LARGE1: variants seen among roughly 807,000 people sequenced by gnomAD.
LARGE1 encodes the protein LARGE xylosyl- and glucuronyltransferase 1, also known as xylosyl- and glucuronyltransferase LARGE1.
A neutral mutation model predicts 87.6 loss-of-function variants in LARGE1; 43 were observed. The observed-to-expected ratio is 0.49, with a 90% confidence interval of 0.38 to 0.63. The LOEUF (loss-of-function observed/expected upper bound fraction) is 0.63. LARGE1 is among the 30% of genes least tolerant of loss of function. LARGE1 has a pLI of 0.00. For missense variants in LARGE1, 802 were observed against 1,000.2 expected (o/e 0.80, Z 2.67); for synonymous variants, 434 against 394.6 (o/e 1.10, Z -1.18).
chr22:33,256,478 T>C (rs1927274073), intron 11 of LARGE1, among the ~76,000 whole-genome samples: 1 of 152,206 alleles, frequency 6.6e-6, no homozygotes, highest in South Asian at 2.1e-4. Context: ...TTCTCATCTG[T>C]AAAATGGGGA....
rs1322974785 is a variant in LARGE1, at chr22:33,364,066, T to A, written c.1131+17853A>T. Reference sequence around the variant, plus strand: ...AGTGCATCTTTGCTATATATTTTTTTTTTTTTGAGACGGAGTCTCGCTCTG... The same window carrying A: ...AGTGCATCTTTGCTATATATTTTTTATTTTTTGAGACGGAGTCTCGCTCTG... On this transcript the variant is annotated intron_variant, in intron 9 of 14. Transcript: ENST00000397394. Among the ~76,000 whole-genome samples the A allele has an allele frequency of 3.2e-4, 48 of 149,886 alleles. 4 individuals are homozygous for A. The highest frequency in any genetic ancestry group is 8.7e-4 in the South Asian group (4 of 4,586).
chr22:33,172,940 G>T (rs1922656792), intron 11 of LARGE1, among the ~76,000 whole-genome samples: 1 of 152,068 alleles, frequency 6.6e-6, no homozygotes, highest in Non-Finnish European at 1.5e-5. Context: ...ACACATCAGG[G>T]TATTATCCAG....
chr22:33,336,787 C>T lies in LARGE1; in HGVS notation c.1287+859G>A, dbSNP rs111851578. On this transcript the variant is annotated intron_variant, in intron 10 of 14. Coordinates refer to ENST00000397394, the MANE Select transcript of LARGE1 (RefSeq NM_133642.5). ...CTCTAAAAAGTCGGTTCTGGCCGGG[C>T]GCGGTGGCTCACACCTGTAATTCCA... Among the ~76,000 whole-genome samples the T allele has an allele frequency of 3.3e-5, 5 of 152,156 alleles. No homozygotes were observed. In the South Asian group the frequency reaches 8.3e-4, roughly 25 times the overall value.
chr22:33,531,457 C>T (rs546419411), intron 6 of LARGE1, among the ~76,000 whole-genome samples: 10 of 152,286 alleles, frequency 6.6e-5, no homozygotes, highest in Non-Finnish European at 1.0e-4. Context: ...CGTGCCTGGC[C>T]AGCATTCTTT....
chr22:33,610,721 C>T (rs1000176539), intron 4 of LARGE1, among the ~76,000 whole-genome samples: 1 of 152,114 alleles, frequency 6.6e-6, no homozygotes, highest in African/African-American at 2.4e-5. Flanking sequence ...ACAGCCAAGA[C>T]AATGGGAAAA....
intron 6 of LARGE1, among the ~76,000 whole-genome samples, chr22:33,512,881 CTT>C (rs1025567147): frequency 3.9e-5 from 6 of 152,228 alleles, no homozygotes; most frequent in African/African-American, 7.2e-5. Context: ...CTAATTTTCT[CTT>C]GTCTTCAACA....
At chr22:33,918,081 G>A (rs2065839292) in intron 1 of LARGE1, among the ~76,000 whole-genome samples, 1 of 152,178 alleles carries the variant, frequency 6.6e-6, no homozygotes, top group East Asian at 1.9e-4. Flanking sequence ...CAGGAACCCA[G>A]AAACAAAGGA....
chr22:33,680,298 C>T (rs1024216347), intron 2 of LARGE1, among the ~76,000 whole-genome samples: 2 of 152,152 alleles, frequency 1.3e-5, no homozygotes, highest in Admixed American at 6.5e-5. Context: ...ATGATCTACG[C>T]CTGAACTTTT....
intron 11 of LARGE1, among the ~76,000 whole-genome samples, chr22:33,208,373 T>C (rs980281204): frequency 2.6e-5 from 4 of 152,188 alleles, no homozygotes; most frequent in African/African-American, 9.6e-5. Flanking sequence ...ATCCAAGTCG[T>C]CTTCAAAGCT....
chr22:33,545,206 G>T (rs991848598), intron 6 of LARGE1, among the ~76,000 whole-genome samples: 4 of 150,948 alleles, frequency 2.6e-5, no homozygotes, highest in Non-Finnish European at 4.4e-5. Flanking sequence ...AGTAGGTCAT[G>T]TACAAATCTT....
At chr22:33,898,615 G>T (rs549512899) in intron 1 of LARGE1, among the ~76,000 whole-genome samples, 5 of 152,176 alleles carry the variant, frequency 3.3e-5, no homozygotes, top group African/African-American at 1.2e-4. Context: ...TTAGCTGGGC[G>T]TGGTGGCACA....
At chr22:33,725,612 G>T (rs1287183378) in intron 2 of LARGE1, 1 of 152,160 alleles carries the variant, frequency 6.6e-6, no homozygotes, top group African/African-American at 2.4e-5. Flanking sequence ...CTAAATTTAG[G>T]TTGAAACAAA....
chr22:33,319,313 G>A (rs1004665102), intron 10 of LARGE1, among the ~76,000 whole-genome samples: 5 of 152,206 alleles, frequency 3.3e-5, no homozygotes, highest in African/African-American at 1.2e-4. Context: ...CTAGCTTGCT[G>A]GAAGATGAGA....
chr22:33,858,076 C>T (rs1489382565), intron 1 of LARGE1, among the ~76,000 whole-genome samples: 2 of 152,304 alleles, frequency 1.3e-5, no homozygotes, highest in Admixed American at 1.3e-4. Context: ...TGTTATAGTT[C>T]TGTTAGAAGC....
the LARGE1 span, among the ~76,000 whole-genome samples, chr22:33,131,482 G>A: frequency 6.6e-6 from 1 of 152,182 alleles, no homozygotes; most frequent in Non-Finnish European, 1.5e-5. Context: ...ACCCGAGACT[G>A]AGTCATTTAT....
chr22:33,391,495 T>C (rs1287064742), intron 7 of LARGE1, among the ~76,000 whole-genome samples: 5 of 152,026 alleles, frequency 3.3e-5, no homozygotes, highest in Admixed American at 1.3e-4. Flanking sequence ...AAAGGTTATA[T>C]AAGTGAGAGA....
At chr22:33,707,318 G>C (rs982236117) in intron 2 of LARGE1, among the ~76,000 whole-genome samples, 2 of 152,236 alleles carry the variant, frequency 1.3e-5, no homozygotes, top group African/African-American at 4.8e-5. Flanking sequence ...AATACAGGGA[G>C]TATCCAGGTG....
intron 5 of LARGE1, among the ~76,000 whole-genome samples, chr22:33,571,605 T>A (rs756977345): frequency 2.0e-5 from 3 of 152,204 alleles, no homozygotes; most frequent in African/African-American, 7.2e-5. Context: ...CCAGGAGTCA[T>A]TGAGATACCC....
chr22:33,437,718 G>A lies in LARGE1; in HGVS notation c.788-5453C>T, dbSNP rs143901255. On this transcript the variant is annotated intron_variant, in intron 6 of 14. Coordinates refer to ENST00000397394, the MANE Select transcript of LARGE1 (RefSeq NM_133642.5). ...TGAGACGTTGGTTCAGCTTAGTATCGATTGAGGGTTTGAGTTGTGTCAGAC... is the reference window on the plus strand; with the variant it reads ...TGAGACGTTGGTTCAGCTTAGTATCAATTGAGGGTTTGAGTTGTGTCAGAC... Among the ~76,000 whole-genome samples the A allele has an allele frequency of 1.1e-4, 17 of 152,144 alleles. No homozygotes were observed. The East Asian group carries it at 2.7e-3, about 24-fold the overall frequency.
Sources: gnomAD v4.1 joint callset for allele counts (sites outside exome capture counted in the v4.1 genomes callset) on GRCh38, gnomAD v4.1.1 for gene constraint, MANE v1.5 for transcripts, NCBI Gene and HGNC (gene_info 2026-07-23, HGNC 2026-07-21) for gene names.